Variants in TACR1 observed in about 807,000 individuals in gnomAD.
The protein encoded by TACR1 is tachykinin receptor 1, also known as substance-P receptor.
Under a neutral mutation model 35.8 loss-of-function variants are expected in TACR1, and 25 were observed. That is an observed-to-expected ratio of 0.70 (90% confidence interval 0.51 to 0.98). The LOEUF (loss-of-function observed/expected upper bound fraction) is 0.98. Among genes scored for constraint, TACR1 ranks in the 50% least tolerant of loss-of-function variants. The pLI, the probability that TACR1 is intolerant of heterozygous loss-of-function variation, is 0.00. For missense variants in TACR1, 478 were observed against 522.9 expected, an observed-to-expected ratio of 0.91 and a Z score of 0.84; for synonymous variants, 195 against 206.7, an observed-to-expected ratio of 0.94 and a Z score of 0.48.
At chr2:75,186,371 C>CCAAAAA (rs1675699423) in intron 1 of TACR1, among the ~76,000 whole-genome samples, 1 of 81,828 alleles carries the variant, frequency 1.2e-5, no homozygotes, top group Non-Finnish European at 2.3e-5. Context: ...GACTCTGTCT[C>CCAAAAA]AAAAAAAAAA....
chr2:75,055,593 C>T (rs143408865), intron 2 of TACR1, among the ~76,000 whole-genome samples: 2 of 152,368 alleles, frequency 1.3e-5, no homozygotes, highest in East Asian at 1.9e-4. Context: ...CCTGAAAGAA[C>T]AGCCCTGCCT....
At chr2:75,129,168 A>C (rs966716249) in intron 1 of TACR1, among the ~76,000 whole-genome samples, 2 of 152,206 alleles carry the variant, frequency 1.3e-5, no homozygotes, top group Non-Finnish European at 2.9e-5. Context: ...GCACTGATTG[A>C]ACTTCATGAT....
intron 1 of TACR1, among the ~76,000 whole-genome samples, chr2:75,133,054 G>T (rs1674209446): frequency 6.6e-6 from 1 of 152,162 alleles, no homozygotes; most frequent in African/African-American, 2.4e-5. Flanking sequence ...AACCCACCTT[G>T]GGCAGGTCCT....
At chr2:75,120,296 T>C (rs1673942337) in intron 2 of TACR1, among the ~76,000 whole-genome samples, 1 of 152,122 alleles carries the variant, frequency 6.6e-6, no homozygotes, top group Non-Finnish European at 1.5e-5. Flanking sequence ...GTAATGTCTC[T>C]GGTAAAAGGC....
Position 75,054,250 on chromosome 2 carries a change from G to A in TACR1, c.585-495C>T, listed in dbSNP as rs56875429. Among the ~76,000 whole-genome samples, 108 of 152,344 alleles carry A rather than the reference G, an allele frequency of 7.1e-4. 2 individuals carry two copies. The East Asian group carries it at 0.018, about 25-fold the overall frequency. Reference sequence around the variant, plus strand: ...TTAGTGCAGGGTTGTAGACCAACTAGTACGTTCAGTTGAGAACTACCATGA... The same window carrying A: ...TTAGTGCAGGGTTGTAGACCAACTAATACGTTCAGTTGAGAACTACCATGA... On this transcript the variant is annotated intron_variant, in intron 2 of 4. Coordinates refer to ENST00000305249, the MANE Select transcript of TACR1 (RefSeq NM_001058.4).
intron 2 of TACR1, among the ~76,000 whole-genome samples, chr2:75,113,140 A>G (rs1436363507): frequency 2.0e-5 from 3 of 152,188 alleles, no homozygotes; most frequent in Admixed American, 1.3e-4. Context: ...TTTGAACAGT[A>G]GTTTCATTCC....
intron 2 of TACR1, among the ~76,000 whole-genome samples, chr2:75,061,835 T>G (rs1292933032): frequency 6.6e-6 from 1 of 152,174 alleles, no homozygotes; most frequent in African/African-American, 2.4e-5. Context: ...CACTGACACC[T>G]ACCCATGAAC....
intron 4 of TACR1, 34 bp downstream of exon 4, chr2:75,051,217 G>A (rs1397906005): frequency 6.2e-7 from 1 of 1,613,758 alleles, no homozygotes; most frequent in East Asian, 2.2e-5. Flanking sequence ...TGGTCTTGTG[G>A]CCCCTGGAGA....
At chr2:75,123,224 T>C (rs1474615581) in intron 1 of TACR1, among the ~76,000 whole-genome samples, 1 of 141,044 alleles carries the variant, frequency 7.1e-6, no homozygotes, top group Non-Finnish European at 1.6e-5. Context: ...CACTGGCAGC[T>C]GTGCATTCTC....
chr2:75,097,569 T>C (rs1196631788), intron 2 of TACR1, among the ~76,000 whole-genome samples: 2 of 152,072 alleles, frequency 1.3e-5, no homozygotes, highest in Non-Finnish European at 2.9e-5. Context: ...CAGTGACAGA[T>C]CATCACAGAA....
At chr2:75,115,720 C>A (rs1032400787) in intron 2 of TACR1, among the ~76,000 whole-genome samples, 1 of 151,994 alleles carries the variant, frequency 6.6e-6, no homozygotes, top group African/African-American at 2.4e-5. Flanking sequence ...GCCTGGCTAA[C>A]ACCGTGAAAC....
intron 1 of TACR1, among the ~76,000 whole-genome samples, chr2:75,161,083 ACTT>A (rs1674998044): frequency 6.6e-6 from 1 of 152,058 alleles, no homozygotes; most frequent in African/African-American, 2.4e-5. Flanking sequence ...AACAGAAAGA[ACTT>A]CTCATGAATA....
At chr2:75,057,073 T>C (rs1283791359) in intron 2 of TACR1, among the ~76,000 whole-genome samples, 3 of 152,246 alleles carry the variant, frequency 2.0e-5, no homozygotes, top group African/African-American at 7.2e-5. Context: ...TGGAATATCA[T>C]TCTGTCAGGC....
intron 1 of TACR1, among the ~76,000 whole-genome samples, chr2:75,136,520 C>T (rs1471750217): frequency 6.6e-6 from 1 of 152,118 alleles, no homozygotes. Context: ...TCTGTAAGGT[C>T]TGTGAACGAG....
chr2:75,096,396 G>A (rs1350659132), intron 2 of TACR1, among the ~76,000 whole-genome samples: 1 of 152,174 alleles, frequency 6.6e-6, no homozygotes, highest in Non-Finnish European at 1.5e-5. Context: ...AGCATGAAAG[G>A]GTGCCAGATT....
chr2:75,155,532 C>T (rs534641753), intron 1 of TACR1, among the ~76,000 whole-genome samples: 1 of 152,274 alleles, frequency 6.6e-6, no homozygotes, highest in Admixed American at 6.5e-5. Flanking sequence ...TCCAGCTCAC[C>T]TGTAAAATCT....
At chr2:75,142,684 CAGAGG>C (rs1354441270) in intron 1 of TACR1, among the ~76,000 whole-genome samples, 1 of 151,976 alleles carries the variant, frequency 6.6e-6, no homozygotes, top group Admixed American at 6.6e-5. Flanking sequence ...TGCAGGTTAC[CAGAGG>C]AGAGGTCAGG....
rs1352139656 is a variant in TACR1 at position 75,049,375 on chromosome 2, C to T, written c.*57G>A. ...GTTCCAGATGAAGGGAATTTCCATG[C>T]ATGAAGGGAGGCAGGTCAAAGGCAG... On this transcript the variant is annotated 3_prime_UTR_variant, in exon 5 of 5. Transcript: ENST00000305249. 33 of 1,550,194 alleles carry T rather than the reference C, an allele frequency of 2.1e-5. No individual in the cohort carries two copies. In the Admixed American group the frequency reaches 5.8e-4, roughly 27 times the overall value.
At chr2:75,136,892 A>G (rs1243741253) in intron 1 of TACR1, among the ~76,000 whole-genome samples, 1 of 152,208 alleles carries the variant, frequency 6.6e-6, no homozygotes, top group Non-Finnish European at 1.5e-5. Context: ...GGGGTGGATG[A>G]TGGCAGAGCA....
Sources: allele counts gnomAD v4.1 joint callset (sites outside exome capture counted in the v4.1 genomes callset), GRCh38; gene constraint gnomAD v4.1.1; transcripts MANE v1.5; gene names NCBI Gene and HGNC (gene_info 2026-07-23, HGNC 2026-07-21).